Variants in PTPRQ observed in about 807,000 individuals in gnomAD.
PTPRQ encodes phosphatidylinositol phosphatase PTPRQ.
Under a neutral mutation model 246.0 loss-of-function variants are expected in PTPRQ, and 199 were observed. The observed-to-expected ratio is 0.81, with a 90% CI of 0.72 to 0.91. The LOEUF (loss-of-function observed/expected upper bound fraction) is 0.91. Among genes scored for constraint, PTPRQ ranks in the 40% least tolerant of loss-of-function variants. The probability of loss-of-function intolerance (pLI) is 0.00; values close to 1 mark genes in which losing one functional copy is unlikely to be tolerated. For synonymous variants in PTPRQ, 869 were observed against 853.2 expected (o/e 1.02, Z -0.32); for missense variants, 2,624 against 2,528.4 (o/e 1.04, Z -0.81).
intron 17 of PTPRQ, among the ~76,000 whole-genome samples, chr12:80,522,572 A>G (rs1336766323): frequency 1.3e-5 from 2 of 152,162 alleles, no homozygotes; most frequent in Non-Finnish European, 2.9e-5. Flanking sequence ...TTTAACGTGA[A>G]GGGCTGTTGA....
chr12:80,451,000 T>A (rs1339545869), intron 3 of PTPRQ, among the ~76,000 whole-genome samples: 2 of 152,202 alleles, frequency 1.3e-5, no homozygotes, highest in African/African-American at 4.8e-5. Context: ...TGTGAATCCG[T>A]CTGGTCCTGG....
At chr12:80,449,347 T>C (rs1337684820) in intron 3 of PTPRQ, among the ~76,000 whole-genome samples, 1 of 152,220 alleles carries the variant, frequency 6.6e-6, no homozygotes, top group African/African-American at 2.4e-5. Flanking sequence ...CTGATGGTAG[T>C]TTCTTTTGCT....
intron 30 of PTPRQ, among the ~76,000 whole-genome samples, chr12:80,616,886 C>T (rs989973694): frequency 6.6e-6 from 1 of 151,094 alleles, no homozygotes; most frequent in Non-Finnish European, 1.5e-5. Context: ...CGAATGATCA[C>T]GGTGCCCTCT....
intron 25 of PTPRQ, among the ~76,000 whole-genome samples, chr12:80,577,865 C>T (rs1264897835): frequency 6.6e-6 from 1 of 152,106 alleles, no homozygotes; most frequent in African/African-American, 2.4e-5. Context: ...TAGTAGCACT[C>T]AAAATCCTGT....
intron 30 of PTPRQ, among the ~76,000 whole-genome samples, chr12:80,617,418 T>C (rs1239637466): frequency 6.6e-6 from 1 of 151,502 alleles, no homozygotes; most frequent in African/African-American, 2.4e-5. Flanking sequence ...ATAAATTATT[T>C]ACTTTGGGAA....
At chr12:80,497,770 C>T (rs1231875752) in intron 14 of PTPRQ, among the ~76,000 whole-genome samples, 2 of 151,978 alleles carry the variant, frequency 1.3e-5, no homozygotes, top group African/African-American at 4.8e-5. Flanking sequence ...TATAAAGTTA[C>T]TATTTTAATT....
chr12:80,511,813 C>T (rs946322610), intron 17 of PTPRQ, among the ~76,000 whole-genome samples: 6 of 152,140 alleles, frequency 3.9e-5, no homozygotes, highest in African/African-American at 1.4e-4. Context: ...GATTAGAGAA[C>T]CAGAGGAGGG....
intron 42 of PTPRQ, 84 bp from the exon 43 acceptor site, chr12:80,673,085 G>A (rs1419771102): frequency 6.8e-7 from 1 of 1,476,604 alleles, no homozygotes; most frequent in Non-Finnish European, 9.0e-7. Context: ...AGAATTTATT[G>A]CTATCATAGC....
At chr12:80,647,771 C>T (rs1900123384) in intron 35 of PTPRQ, among the ~76,000 whole-genome samples, 1 of 151,994 alleles carries the variant, frequency 6.6e-6, no homozygotes, top group Admixed American at 6.6e-5. Context: ...GCTTATCCAC[C>T]AAGACTCTTT....
rs141467187 is a variant in PTPRQ, at chr12:80,563,981, T to C, written c.4285+14247T>C. ...TCTGTGCTTTTTTTTTTGAGTAGACTAGCAGTTATTGTCTGAAAATTTTCT... is the reference window on the plus strand; with the variant it reads ...TCTGTGCTTTTTTTTTTGAGTAGACCAGCAGTTATTGTCTGAAAATTTTCT... On this transcript the variant is annotated intron_variant, in intron 25 of 44. Transcript: ENST00000644991. 7.2e-4 allele frequency among the ~76,000 whole-genome samples: 110 copies of C among 152,210 alleles called. 1 individual carries two copies. In the East Asian group the frequency reaches 0.019, roughly 27 times the overall value.
intron 25 of PTPRQ, among the ~76,000 whole-genome samples, chr12:80,581,931 A>G (rs981743127): frequency 6.6e-6 from 1 of 152,184 alleles, no homozygotes; most frequent in African/African-American, 2.4e-5. Context: ...GGGAACAGGC[A>G]TTCTCATGCA....
intron 44 of PTPRQ, 22 bp from the exon 45 acceptor site, chr12:80,678,964 A>G (rs1467700661): frequency 6.5e-7 from 1 of 1,538,428 alleles, no homozygotes; most frequent in Non-Finnish European, 8.8e-7. Flanking sequence ...ACTCTCTTGT[A>G]ACATGTTACT....
At position 80,506,590 on chromosome 12, in the gene PTPRQ, A is replaced by G; in HGVS notation, c.2477A>G (p.Tyr826Cys). ...TTAGTACTGAAGAAATATACCCAAT[A>G]TATCATTGAGGTGTCTGCTAGTACA... ...NIKVLKKYTQ[Y>C]IIEVSASTLK... Residue 826 changes from tyrosine to cysteine, a missense_variant, in exon 16 of 45, where the codon TAT (tyrosine) becomes TGT (cysteine). Coordinates refer to ENST00000644991, the MANE Select transcript of PTPRQ (RefSeq NM_001145026.2). 17 of 1,536,874 alleles carry G rather than the reference A, an allele frequency of 1.1e-5. No homozygotes were observed. Among genetic ancestry groups the G allele is most frequent in the East Asian group, 2.5e-5 (1 of 40,652 alleles).
chr12:80,604,607 T>C (rs1342363948), intron 26 of PTPRQ, among the ~76,000 whole-genome samples: 2 of 151,604 alleles, frequency 1.3e-5, no homozygotes, highest in Admixed American at 1.3e-4. Context: ...TTTACATTTG[T>C]AAAACAATAT....
chr12:80,516,064 T>C (rs1895290182), intron 17 of PTPRQ, among the ~76,000 whole-genome samples: 1 of 152,226 alleles, frequency 6.6e-6, no homozygotes, highest in Non-Finnish European at 1.5e-5. Context: ...ATTTTTCAAA[T>C]GATACACAGT....
chr12:80,672,956 A>G (rs1417480243), intron 42 of PTPRQ, among the ~76,000 whole-genome samples: 2 of 152,140 alleles, frequency 1.3e-5, no homozygotes, highest in Non-Finnish European at 2.9e-5. Flanking sequence ...ACAAACTCAA[A>G]TATTTGATAG....
At chr12:80,461,603 G>T (rs1315102882) in intron 6 of PTPRQ, among the ~76,000 whole-genome samples, 1 of 150,048 alleles carries the variant, frequency 6.7e-6, no homozygotes, top group African/African-American at 2.4e-5. Context: ...ATTACATAAG[G>T]TATTTATTAT....
intron 27 of PTPRQ, among the ~76,000 whole-genome samples, chr12:80,605,553 G>A (rs115750738): frequency 0.012 from 1,797 of 151,086 alleles, 37 homozygotes; most frequent in African/African-American, 0.041. Flanking sequence ...TTTACAGTAC[G>A]GTAGAAAGTA....
intron 25 of PTPRQ, among the ~76,000 whole-genome samples, chr12:80,572,062 G>A (rs138591592): frequency 2.0e-5 from 3 of 151,934 alleles, no homozygotes; most frequent in African/African-American, 7.2e-5. Context: ...TTACAAAAAT[G>A]CCCATGGCAT....
Sources: gnomAD v4.1 joint callset for allele counts (sites outside exome capture counted in the v4.1 genomes callset) on GRCh38, gnomAD v4.1.1 for gene constraint, MANE v1.5 for transcripts, NCBI Gene and HGNC (gene_info 2026-07-23, HGNC 2026-07-21) for gene names.